The following MS4A6A variants were observed in gnomAD, a reference collection of about 807,000 sequenced individuals.
MS4A6A encodes membrane-spanning 4-domains subfamily A member 6A.
MS4A6A carries 19 observed loss-of-function variants against 20.6 expected under a neutral mutation model. That is an observed-to-expected ratio of 0.92 (90% CI 0.64 to 1.36). The LOEUF (loss-of-function observed/expected upper bound fraction) is 1.36. MS4A6A is among the 40% of genes most tolerant of loss of function. The probability of loss-of-function intolerance (pLI) is 0.00; values close to 1 mark genes in which losing one functional copy is unlikely to be tolerated. For missense variants in MS4A6A, 272 were observed against 261.1 expected (o/e 1.04, Z -0.29); for synonymous variants, 108 against 105.0 (o/e 1.03, Z -0.17).
intron 1 of MS4A6A, among the ~76,000 whole-genome samples, chr11:60,182,040 C>A (rs1287109858): frequency 6.6e-6 from 1 of 152,154 alleles, no homozygotes; most frequent in Non-Finnish European, 1.5e-5. Context: ...TATGCAACAA[C>A]CTCCCTTTCC....
chr11:60,179,924 C>T lies in MS4A6A; in HGVS notation c.189G>A (p.Gly63=). The part of the protein sequence containing the change: ...ILCGMMVLSL[G]IILASASFSP... Reference sequence around the variant, plus strand: ...AGAAGGAAGCAGATGCCAAAATGATCCCCAAGCTCAATACCATCATGCCAC... The same window carrying T: ...AGAAGGAAGCAGATGCCAAAATGATTCCCAAGCTCAATACCATCATGCCAC... The change falls in exon 3 of 6, where the codon GGG becomes GGA. Residue 63 remains glycine (G), a synonymous_variant. Coordinates refer to ENST00000528851, the MANE Select transcript of MS4A6A (RefSeq NM_022349.4). 1 of 1,614,118 alleles carries T rather than the reference C, an allele frequency of 6.2e-7. No homozygotes were observed. The highest frequency in any genetic ancestry group is 8.5e-7 in the Non-Finnish European group (1 of 1,180,010).
intron 2 of MS4A6A, chr11:60,181,101 G>A: frequency 4.4e-6 from 2 of 451,798 alleles, no homozygotes; most frequent in South Asian, 3.1e-5. Flanking sequence ...AATTCTGGGT[G>A]AGAGGAGAAA....
At chr11:60,182,154 A>T (rs1857167380) in intron 1 of MS4A6A, among the ~76,000 whole-genome samples, 1 of 152,250 alleles carries the variant, frequency 6.6e-6, no homozygotes, top group South Asian at 2.1e-4. Flanking sequence ...ACTATTTATT[A>T]GCACTCAGAT....
chr11:60,182,904 A>C (rs2083815727), intron 1 of MS4A6A, 74 bp downstream of exon 1: 1 of 887,424 alleles, frequency 1.1e-6, no homozygotes, highest in African/African-American at 1.8e-5. Flanking sequence ...AAGGAGTTTC[A>C]AGTTAAATTA....
rs183882627 is a variant in MS4A6A at position 60,177,909 on chromosome 11, C to T, written c.339+351G>A. On this transcript the variant is annotated intron_variant, in intron 4 of 5. Coordinates refer to ENST00000528851, the MANE Select transcript of MS4A6A (RefSeq NM_022349.4). ...AAAGAATGGACCCCAACCAATAGAC[C>T]GCTTTATAACACTGTCAGCTTCCTT... The T allele has an allele frequency of 2.2e-5, 6 of 267,910 alleles. No homozygotes were observed. In the East Asian group the frequency reaches 4.5e-4, roughly 20 times the overall value. 16.6% of individuals were successfully genotyped at this position (267,910 alleles called of 1,614,324 possible).
chr11:60,174,489 C>T (rs1856739753), intron 5 of MS4A6A, among the ~76,000 whole-genome samples: 1 of 152,052 alleles, frequency 6.6e-6, no homozygotes, highest in Non-Finnish European at 1.5e-5. Flanking sequence ...CCACACCCAG[C>T]TAGTTTTTGT....
chr11:60,172,252 C>A, downstream of MS4A6A: 1 of 1,612,790 alleles, frequency 6.2e-7, no homozygotes, highest in Non-Finnish European at 8.5e-7. Context: ...GAAAAGTACA[C>A]TCTAGAAGAA....
chr11:60,175,272 A>T, intron 5 of MS4A6A, 130 bp downstream of exon 5: 1 of 676,482 alleles, frequency 1.5e-6, no homozygotes, highest in Non-Finnish European at 2.5e-6. Flanking sequence ...CCTTTGATTT[A>T]CATAAACCTG....
In MS4A6A at chr11:60,179,973, A is replaced by G; in HGVS notation, c.148-8T>C. 1 of 1,611,274 alleles carries G rather than the reference A, an allele frequency of 6.2e-7. No homozygotes were observed. Among genetic ancestry groups the G allele is most frequent in the Non-Finnish European group, 8.5e-7 (1 of 1,178,526 alleles). Reference sequence around the variant, plus strand: ...ACACAAGATCTGGATAGTCTGTGGGAAGAGAAAGTGAGATTGAGGATGAAA... The same window carrying G: ...ACACAAGATCTGGATAGTCTGTGGGGAGAGAAAGTGAGATTGAGGATGAAA... On this transcript the variant is annotated splice_polypyrimidine_tract_variant and splice_region_variant and intron_variant, in intron 2 of 5. Transcript: ENST00000528851.
chr11:60,182,987 T>C lies in MS4A6A; in HGVS notation c.-24A>G, dbSNP rs142516018. The C allele has an allele frequency of 2.5e-4, 344 of 1,382,136 alleles. 2 individuals are homozygous for C. The African/African-American group carries it at 3.9e-3, about 16-fold the overall frequency. 85.6% of individuals were successfully genotyped at this position (1,382,136 alleles called of 1,614,324 possible). A position where few individuals can be genotyped will look rare whatever the true frequency, so the allele number is the denominator to read the frequency against. On this transcript the variant is annotated 5_prime_UTR_variant, in exon 1 of 6. Coordinates refer to ENST00000528851, the MANE Select transcript of MS4A6A (RefSeq NM_022349.4). ...TTCCAGCATTACCTACCTGTGCCCG[T>C]TGGTTCCAGCTGAGTCCTCAGAAGC...
Position 60,181,811 on chromosome 11 carries a change from A to C in MS4A6A, c.-14-70T>G, listed in dbSNP as rs1590685412. The C allele has an allele frequency of 3.4e-6, 5 of 1,481,866 alleles. No individual in the cohort carries two copies. In the East Asian group the frequency reaches 9.1e-5, roughly 27 times the overall value. 91.8% of individuals were successfully genotyped at this position (1,481,866 alleles called of 1,614,324 possible). A position where few individuals can be genotyped will look rare whatever the true frequency, so the allele number is the denominator to read the frequency against. On this transcript the variant is annotated intron_variant, in intron 1 of 5. Coordinates refer to ENST00000528851, the MANE Select transcript of MS4A6A (RefSeq NM_022349.4). ...CCCAGGTTCTGACTCCAAAAACAGT[A>C]ACTCAGTCTTTGCCAATTAGTCTAG...
chr11:60,172,389 A>C (rs1856623930), downstream of MS4A6A: 4 of 1,413,962 alleles, frequency 2.8e-6, no homozygotes, highest in Non-Finnish European at 3.7e-6. Flanking sequence ...CAGGTTCTTC[A>C]AATAATTGCA....
At chr11:60,180,078 G>T in intron 2 of MS4A6A, 113 bp from the exon 3 acceptor site, 1 of 1,061,318 alleles carries the variant, frequency 9.4e-7, no homozygotes. Flanking sequence ...ATCCTAATGA[G>T]GATACAAACC....
intron 4 of MS4A6A, among the ~76,000 whole-genome samples, chr11:60,177,597 C>T (rs1365720069): frequency 6.6e-6 from 1 of 151,878 alleles, no homozygotes; most frequent in African/African-American, 2.4e-5. Flanking sequence ...TTAGCCAATA[C>T]AAATGACTAA....
At chr11:60,181,909 G>C (rs150085115) in intron 1 of MS4A6A, among the ~76,000 whole-genome samples, 168 bp from the exon 2 acceptor site, 74 of 152,240 alleles carry the variant, frequency 4.9e-4, no homozygotes, top group African/African-American at 1.7e-3. Flanking sequence ...GGTTTCATGA[G>C]GATTTTTCCA....
chr11:60,172,181 A>G (rs1310417040), downstream of MS4A6A: 3 of 1,613,170 alleles, frequency 1.9e-6, no homozygotes, highest in Non-Finnish European at 2.5e-6. Flanking sequence ...AGTTCTTCAT[A>G]TCCACAGTCA....
chr11:60,172,437 C>A, downstream of MS4A6A: 1 of 1,298,906 alleles, frequency 7.7e-7, no homozygotes, highest in Non-Finnish European at 9.8e-7. Context: ...CTCTATAATA[C>A]AATTTTGGAT....
At chr11:60,173,300 A>G (rs1856677011) in intron 5 of MS4A6A, among the ~76,000 whole-genome samples, 171 bp from the exon 6 acceptor site, 1 of 152,220 alleles carries the variant, frequency 6.6e-6, no homozygotes, top group South Asian at 2.1e-4. Context: ...GTCTTAATTC[A>G]ACCCCTTAAC....
chr11:60,173,043 G>A lies in MS4A6A; in HGVS notation c.636C>T (p.Tyr212=). The A allele has an allele frequency of 1.9e-6, 3 of 1,614,164 alleles. No individual in the cohort carries two copies. Among genetic ancestry groups the A allele is most frequent in the South Asian group, 2.2e-5 (2 of 91,086 alleles). ...LTAVLRWKQA[Y]SDFPGVSVLA... ...GCACACTCACCCCAGGGAAGTCAGA[G>A]TAAGCCTGTTTCCACCGCAGCACAG... The change falls in exon 6 of 6, where the codon TAC becomes TAT. Residue 212 remains tyrosine (Y), a synonymous_variant. Coordinates refer to ENST00000528851, the MANE Select transcript of MS4A6A (RefSeq NM_022349.4).
Sources: gnomAD v4.1 joint callset for allele counts (sites outside exome capture counted in the v4.1 genomes callset) on GRCh38, gnomAD v4.1.1 for gene constraint, MANE v1.5 for transcripts, NCBI Gene and HGNC (gene_info 2026-07-23, HGNC 2026-07-21) for gene names.